The following UCP2 variants were observed in gnomAD, a reference collection of about 807,000 sequenced individuals.
UCP2 encodes dicarboxylate carrier SLC25A8.
Under a neutral mutation model 31.3 loss-of-function variants are expected in UCP2, and 27 were observed. The observed-to-expected ratio is 0.86, with a 90% CI of 0.64 to 1.19. The LOEUF is 1.19. UCP2 is among the 50% of genes most tolerant of loss of function. UCP2 has a pLI of 0.00. For synonymous variants in UCP2, 142 were observed against 157.4 expected, an observed-to-expected ratio of 0.90 and a Z score of 0.73; for missense variants, 377 against 413.5, an observed-to-expected ratio of 0.91 and a Z score of 0.76.
At position 73,974,967 on chromosome 11, in the gene UCP2, A is replaced by G; in HGVS notation, c.*40T>C. 7.5e-7 allele frequency: 1 copy of G among 1,325,130 alleles called. No individual in the cohort carries two copies. The highest frequency in any genetic ancestry group is 1.0e-6 in the Non-Finnish European group (1 of 991,528). The allele number at this position is 1,325,130 out of a possible 1,614,324, so 82.1% of individuals were successfully genotyped here. A position where few individuals can be genotyped will look rare whatever the true frequency, so the allele number is the denominator to read the frequency against. ...GAAAAGGAAAGCATGGCCCGGCTAG[A>G]GACAAAGCCAGAGGTGATCAGGTCA... On this transcript the variant is annotated 3_prime_UTR_variant, in exon 8 of 8. Coordinates refer to ENST00000663595, the MANE Select transcript of UCP2 (RefSeq NM_003355.3).
At chr11:73,978,542 C>G in intron 2 of UCP2, 65 bp from the exon 3 acceptor site, 1 of 996,028 alleles carries the variant, frequency 1.0e-6, no homozygotes, top group Admixed American at 2.1e-5. Context: ...CTCACCATCC[C>G]CAAACTCACC....
rs45523944 is a variant in UCP2 at position 73,975,829 on chromosome 11, C to T, written c.635-158G>A. On this transcript the variant is annotated intron_variant, in intron 6 of 7. Coordinates refer to ENST00000663595, the MANE Select transcript of UCP2 (RefSeq NM_003355.3). ...GTAATCCAGGACTTCTTTTGGAGGC[C>T]GAGGTGGGTGGATCACTTGAGCCCA... is the stretch of plus-strand genomic sequence containing the variant. Among the ~76,000 whole-genome samples the T allele has an allele frequency of 5.1e-3, 773 of 152,098 alleles. 7 individuals carry two copies. Among genetic ancestry groups the T allele is most frequent in the African/African-American group, 0.018 (731 of 41,482 alleles).
At chr11:73,982,860 G>T (rs968851222), upstream of UCP2, 1 of 152,490 alleles carries the variant, frequency 6.6e-6, no homozygotes, top group African/African-American at 2.4e-5. Context: ...CCGCGCAGGC[G>T]GCGGCGCGGC....
At chr11:73,982,936 T>A (rs928626500), upstream of UCP2, 5 of 152,380 alleles carry the variant, frequency 3.3e-5, no homozygotes, top group Admixed American at 6.5e-5. Flanking sequence ...CAGCTCCTAC[T>A]TGGGTGCGGA....
chr11:73,978,330 A>T lies in UCP2; in HGVS notation c.49T>A (p.Phe17Ile). The change falls in exon 3 of 8, where the codon TTT (phenylalanine) becomes ATT (isoleucine). Residue 17 changes from phenylalanine (F) to isoleucine (I), a missense_variant. Transcript: ENST00000663595. ...TDVPPTATVK[F>I]LGAGTAACIA... is the part of the protein sequence containing the mutation. Reference sequence around the variant, plus strand: ...CAGGCAGCTGTGCCAGCCCCAAGAAACTTCACAGTGGCAGTAGGGGGCACA... The same window carrying T: ...CAGGCAGCTGTGCCAGCCCCAAGAATCTTCACAGTGGCAGTAGGGGGCACA... 6.2e-7 allele frequency: 1 copy of T among 1,614,134 alleles called. No individual in the cohort carries two copies. Among genetic ancestry groups the T allele is most frequent in the Non-Finnish European group, 8.5e-7 (1 of 1,180,022 alleles).
intron 7 of UCP2, 70 bp from the exon 8 acceptor site, chr11:73,975,191 A>G: frequency 7.3e-7 from 1 of 1,376,094 alleles, no homozygotes; most frequent in Non-Finnish European, 1.0e-6. Flanking sequence ...CCTGGTATTC[A>G]ATCCAACCCA....
At position 73,975,356 on chromosome 11, in the gene UCP2, G is replaced by A. The variant is rs1031615679; in HGVS notation, c.815+135C>T. On this transcript the variant is annotated intron_variant, in intron 7 of 7. Transcript: ENST00000663595. ...GAAGGAATTAAGGGGATAGGTGAAT[G>A]CTGGTGAAATGCCAGGACCAGGATC... The A allele has an allele frequency of 1.0e-4, 114 of 1,118,296 alleles. 1 individual carries two copies. In the East Asian group the frequency reaches 2.7e-3, roughly 27 times the overall value. The allele number at this position is 1,118,296 out of a possible 1,614,324, so 69.3% of individuals were successfully genotyped here.
chr11:73,975,161 C>A lies in UCP2; in HGVS notation c.816-40G>T, dbSNP rs771794355. ...TCACAGGTCATGGGGGCACCTCCAC[C>A]TCCCACTTCCCTCACTGGGCCTGGT... On this transcript the variant is annotated intron_variant, in intron 7 of 7. Coordinates refer to ENST00000663595, the MANE Select transcript of UCP2 (RefSeq NM_003355.3). 2.0e-6 allele frequency: 3 copies of A among 1,538,002 alleles called. No homozygotes were observed. The South Asian group carries it at 3.5e-5, about 18-fold the overall frequency.
intron 5 of UCP2, 36 bp downstream of exon 5, chr11:73,976,787 G>A: frequency 3.1e-6 from 5 of 1,614,194 alleles, no homozygotes; most frequent in Non-Finnish European, 4.2e-6. Context: ...GTATCGGGGA[G>A]GAGGAAAAGG....
At position 73,978,303 on chromosome 11, in the gene UCP2, T is replaced by C. The variant is rs755177729; in HGVS notation, c.76A>G (p.Ile26Val). The C allele has an allele frequency of 1.9e-6, 3 of 1,614,214 alleles. No individual in the cohort carries two copies. The highest frequency in any genetic ancestry group is 2.2e-5 in the East Asian group (1 of 44,890). The change falls in exon 3 of 8, where the codon ATC (isoleucine) becomes GTC (valine). Residue 26 changes from isoleucine (I) to valine (V), a missense_variant. Ile to Val is a conservative substitution (Grantham distance 29). Transcript: ENST00000663595. Reference protein sequence around the residue: ...KFLGAGTAACIADLITFPLDT... With the variant: ...KFLGAGTAACVADLITFPLDT... ...AGAGGAAAGGTGATGAGATCTGCGA[T>C]GCAGGCAGCTGTGCCAGCCCCAAGA...
intron 2 of UCP2, 38 bp from the exon 3 acceptor site, chr11:73,978,515 TC>T: frequency 7.8e-7 from 1 of 1,286,488 alleles, no homozygotes; most frequent in Non-Finnish European, 1.1e-6. Context: ...AGCCACAATG[TC>T]CCCAGGCCCT....
At chr11:73,975,990 A>G (rs1367779881) in intron 6 of UCP2, among the ~76,000 whole-genome samples, 1 of 152,000 alleles carries the variant, frequency 6.6e-6, no homozygotes, top group East Asian at 1.9e-4. Flanking sequence ...TGCTTGAGTC[A>G]GGGAGGTCGA....
intron 6 of UCP2, 142 bp from the exon 7 acceptor site, chr11:73,975,813 G>T (rs1178406079): frequency 1.3e-5 from 14 of 1,050,660 alleles, no homozygotes; most frequent in South Asian, 1.1e-4. Context: ...TGTAATCCAG[G>T]ACTTCTTTTG....
chr11:73,982,233 G>A (rs74594019), intron 1 of UCP2, among the ~76,000 whole-genome samples: 1,867 of 152,306 alleles, frequency 0.012, 35 homozygotes, highest in African/African-American at 0.043. Flanking sequence ...GAACGGGAGA[G>A]GGAAAGAACA....
In UCP2 at chr11:73,975,483, A is replaced by G; in HGVS notation, c.815+8T>C. The G allele has an allele frequency of 3.7e-6, 6 of 1,606,268 alleles. No individual in the cohort carries two copies. The highest frequency in any genetic ancestry group is 2.2e-5 in the East Asian group (1 of 44,724). ...GCCTGAACTGGGTGGGGAGGACCAG[A>G]GGCTCACCCTTTGTAGAAGGCTCGG... On this transcript the variant is annotated splice_region_variant and intron_variant, in intron 7 of 7. Transcript: ENST00000663595.
intron 2 of UCP2, 95 bp from the exon 3 acceptor site, chr11:73,978,572 C>T: frequency 2.6e-6 from 2 of 762,200 alleles, no homozygotes; most frequent in South Asian, 3.4e-5. Flanking sequence ...AGAACCAAGT[C>T]CCTCAGCAAG....
In UCP2 at chr11:73,976,629, C is replaced by G; in HGVS notation, c.634+12G>C. The G allele has an allele frequency of 1.2e-6, 2 of 1,610,876 alleles. No individual in the cohort carries two copies. Among genetic ancestry groups the G allele is most frequent in the Non-Finnish European group, 1.7e-6 (2 of 1,177,198 alleles). The stretch of plus-strand genomic sequence containing the variant: ...AAGGGTGAGACCCAGCACCGTCTAC[C>G]TCATGACTCACCTGTCATGAGGTTG... On this transcript the variant is annotated intron_variant, in intron 6 of 7. Transcript: ENST00000663595.
chr11:73,975,176 C>A, intron 7 of UCP2, 55 bp from the exon 8 acceptor site: 1 of 1,477,334 alleles, frequency 6.8e-7, no homozygotes, highest in Non-Finnish European at 9.3e-7. Flanking sequence ...ACTTCCCTCA[C>A]TGGGCCTGGT....
In UCP2 at chr11:73,978,062, G is replaced by A. The variant is rs756538814; in HGVS notation, c.161C>T (p.Thr54Ile). 29 of 1,614,076 alleles carry A rather than the reference G, an allele frequency of 1.8e-5. No homozygotes were observed. Among genetic ancestry groups the A allele is most frequent in the Non-Finnish European group, 2.4e-5 (28 of 1,180,032 alleles). The change falls in exon 4 of 8, where the codon ACA (threonine) becomes ATA (isoleucine). Residue 54 changes from threonine to isoleucine, a missense_variant. Physicochemically the swap from Thr to Ile is moderately conservative, Grantham distance 89. Coordinates refer to ENST00000663595, the MANE Select transcript of UCP2 (RefSeq NM_003355.3). ...QGESQGPVRA[T>I]ASAQYRGVMG... ...CACACCGCGGTACTGGGCGCTGGCT[G>A]TAGCGCGCACTGGCCCCTGACTTTC...
Sources: allele counts gnomAD v4.1 joint callset (sites outside exome capture counted in the v4.1 genomes callset), GRCh38; gene constraint gnomAD v4.1.1; transcripts MANE v1.5; gene names NCBI Gene and HGNC (gene_info 2026-07-23, HGNC 2026-07-21).